The following C5 variants were observed in gnomAD, a reference collection of about 807,000 sequenced individuals.
The protein encoded by C5 is C3 and PZP-like alpha-2-macroglobulin domain-containing protein 4.
C5 carries 140 observed loss-of-function variants against 218.8 expected under a neutral mutation model. That is an observed-to-expected ratio of 0.64 (90% CI 0.56 to 0.74). C5 has a LOEUF of 0.74. Among genes scored for constraint, C5 ranks in the 30% least tolerant of loss-of-function variants. The probability of loss-of-function intolerance (pLI) is 0.00; values close to 1 mark genes in which losing one functional copy is unlikely to be tolerated. For missense variants in C5, 1,700 were observed against 1,969.6 expected, an observed-to-expected ratio of 0.86 and a Z score of 2.59; for synonymous variants, 614 against 682.3, an observed-to-expected ratio of 0.90 and a Z score of 1.56.
intron 40 of C5, 44 bp from the exon 41 acceptor site, chr9:120,952,912 A>T (rs1021997536): frequency 6.2e-7 from 1 of 1,607,426 alleles, no homozygotes; most frequent in Non-Finnish European, 8.5e-7. Flanking sequence ...CAAAACAGAA[A>T]AGCTGAATTT....
upstream of C5, among the ~76,000 whole-genome samples, chr9:121,054,682 G>C (rs560956359): frequency 1.3e-5 from 2 of 152,280 alleles, no homozygotes; most frequent in African/African-American, 4.8e-5. Flanking sequence ...TCACATGACA[G>C]ATAGCAGACC....
intron 22 of C5, among the ~76,000 whole-genome samples, chr9:120,994,812 T>C (rs2047104111): frequency 6.6e-6 from 1 of 151,050 alleles, no homozygotes; most frequent in Non-Finnish European, 1.5e-5. Context: ...TATTCCCAGA[T>C]AAAAGATTGT....
At chr9:121,023,275 A>G in intron 10 of C5, 129 bp downstream of exon 10, 3 of 747,686 alleles carry the variant, frequency 4.0e-6, no homozygotes, top group South Asian at 2.8e-5. Flanking sequence ...CAGGAGGGGC[A>G]GGTTTCACAG....
Position 121,016,397 on chromosome 9 carries a change from CA to C in C5, c.1867-15del. On this transcript the variant is annotated splice_polypyrimidine_tract_variant and intron_variant, in intron 14 of 40. Transcript: ENST00000223642. ...GAATTGAAATACCTGTCCAGAAAGG[CA>C]AAATGTTGAGCACATTGAGATGTAT... is the stretch of plus-strand genomic sequence containing the variant. 1 of 1,613,824 alleles carries C rather than the reference CA, an allele frequency of 6.2e-7. No homozygotes were observed. The highest frequency in any genetic ancestry group is 8.5e-7 in the Non-Finnish European group (1 of 1,179,782).
rs766572363 is a variant in C5 at position 120,996,235 on chromosome 9, CCT to C, written c.2851+3_2851+4del. On this transcript the variant is annotated splice_donor_region_variant and intron_variant, in intron 22 of 40. Coordinates refer to ENST00000223642, the MANE Select transcript of C5 (RefSeq NM_001735.3). ...ACATATAAAATAAAAAATCATTTTG[CCT>C]ACCATAAATACCCCTAGGATCCAAA... 6.3e-7 allele frequency: 1 copy of C among 1,592,672 alleles called. No homozygotes were observed. The highest frequency in any genetic ancestry group is 8.6e-7 in the Non-Finnish European group (1 of 1,160,540).
intron 15 of C5, 92 bp downstream of exon 15, chr9:121,016,162 G>T (rs1332168365): frequency 2.0e-6 from 3 of 1,479,346 alleles, no homozygotes; most frequent in South Asian, 1.1e-5. Context: ...CTAAGATCAG[G>T]GTACAGAATA....
At chr9:121,033,623 G>C (rs2047497287) in intron 5 of C5, among the ~76,000 whole-genome samples, 2 of 152,144 alleles carry the variant, frequency 1.3e-5, no homozygotes, top group South Asian at 4.1e-4. Context: ...TAAAATAATA[G>C]GTTTAATTCT....
intron 20 of C5, chr9:120,999,636 C>T: frequency 4.3e-6 from 1 of 231,576 alleles, no homozygotes; most frequent in South Asian, 4.5e-5. Flanking sequence ...CACACACACA[C>T]ACGAAAAATC....
In C5 at chr9:121,021,534, G is replaced by T; in HGVS notation, c.1277C>A (p.Ser426Tyr). ...ATTAAACTCCAGCACCGTCACTCCA[G>T]ATGGGAGATTAAGCACAAAGGAAGC... is the stretch of plus-strand genomic sequence containing the variant. Reference protein sequence around the residue: ...GVASFVLNLPSGVTVLEFNVK... With the variant: ...GVASFVLNLPYGVTVLEFNVK... The change falls in exon 11 of 41, where the codon TCT becomes TAT. Residue 426 changes from serine (S) to tyrosine (Y), a missense_variant. Transcript: ENST00000223642. 6.2e-7 allele frequency: 1 copy of T among 1,613,720 alleles called. No homozygotes were observed. Among genetic ancestry groups the T allele is most frequent in the Non-Finnish European group, 8.5e-7 (1 of 1,179,708 alleles).
At position 120,989,112 on chromosome 9, in the gene C5, C is replaced by A. The variant is rs756823047; in HGVS notation, c.3164G>T (p.Ser1055Ile). 2 of 1,613,116 alleles carry A rather than the reference C, an allele frequency of 1.2e-6. No homozygotes were observed. Among genetic ancestry groups the A allele is most frequent in the Non-Finnish European group, 1.7e-6 (2 of 1,179,062 alleles). Residue 1055 changes from serine (S) to isoleucine (I), a missense_variant, in exon 25 of 41, where the codon AGC (serine) becomes ATC (isoleucine). Coordinates refer to ENST00000223642, the MANE Select transcript of C5 (RefSeq NM_001735.3). ...GTCAGCATTTCTGTAGGACATAATG[C>A]TCAACATCCCTAAGAAGCACAAGAA... is the stretch of plus-strand genomic sequence containing the variant. ...LKKKLKEGML[S>I]IMSYRNADYS...
At chr9:121,035,153 T>G (rs1050771926) in intron 4 of C5, among the ~76,000 whole-genome samples, 3 of 152,180 alleles carry the variant, frequency 2.0e-5, no homozygotes, top group Non-Finnish European at 4.4e-5. Context: ...CAACTCTCGT[T>G]GTACATCTAA....
chr9:121,069,344 C>T, the C5 span, among the ~76,000 whole-genome samples: 1 of 152,076 alleles, frequency 6.6e-6, no homozygotes. Flanking sequence ...ATAGACACTT[C>T]TCAAAAAGAA....
chr9:121,034,987 G>T (rs1481908914), intron 4 of C5, 93 bp from the exon 5 acceptor site: 4 of 651,990 alleles, frequency 6.1e-6, no homozygotes, highest in Non-Finnish European at 8.1e-6. Context: ...AATATTTATA[G>T]ATCAAATATT....
Position 120,991,207 on chromosome 9 carries a change from C to T in C5, c.2925G>A (p.Arg975=). ...LDLVPKTEIK[R]ILSVKGLLVG... is the part of the protein sequence containing the mutation. ...TTAATTTACCTTTTACACTCAAAAT[C>T]CTTTTGATTTCTGTTTTGGGGACCA... is the stretch of plus-strand genomic sequence containing the variant. The change falls in exon 23 of 41, where the codon AGG becomes AGA. Residue 975 remains arginine (R), a synonymous_variant. Coordinates refer to ENST00000223642, the MANE Select transcript of C5 (RefSeq NM_001735.3). 1 of 1,599,870 alleles carries T rather than the reference C, an allele frequency of 6.3e-7. No individual in the cohort carries two copies. Among genetic ancestry groups the T allele is most frequent in the South Asian group, 1.1e-5 (1 of 90,800 alleles).
intron 25 of C5, among the ~76,000 whole-genome samples, chr9:120,988,347 A>T (rs1446421626): frequency 6.6e-6 from 1 of 152,124 alleles, no homozygotes; most frequent in Admixed American, 6.5e-5. Context: ...AAACGATATG[A>T]GGTGTTGGGA....
chr9:120,966,985 C>T (rs757531816), intron 33 of C5, among the ~76,000 whole-genome samples: 11 of 151,824 alleles, frequency 7.2e-5, no homozygotes, highest in Non-Finnish European at 1.6e-4. Context: ...TTAGGCTGAG[C>T]GTGGTGGCTC....
intron 12 of C5, 27 bp from the exon 13 acceptor site, chr9:121,017,879 T>C (rs904916938): frequency 1.4e-6 from 2 of 1,417,862 alleles, no homozygotes; most frequent in African/African-American, 1.4e-5. Flanking sequence ...GCAGCAACAA[T>C]AAGTAAAAAA....
At chr9:120,955,213 T>C (rs2046776027) in intron 39 of C5, among the ~76,000 whole-genome samples, 1 of 152,332 alleles carries the variant, frequency 6.6e-6, no homozygotes, top group Admixed American at 6.5e-5. Flanking sequence ...TTTATAAAAA[T>C]TCAAAATTTA....
At chr9:120,961,613 A>C in intron 36 of C5, 48 bp from the exon 37 acceptor site, 2 of 1,185,880 alleles carry the variant, frequency 1.7e-6, no homozygotes, top group South Asian at 2.4e-5. Context: ...ATTGAAGAAC[A>C]ACACATTTAC....
Sources: gnomAD v4.1 joint callset for allele counts (sites outside exome capture counted in the v4.1 genomes callset) on GRCh38, gnomAD v4.1.1 for gene constraint, MANE v1.5 for transcripts, NCBI Gene and HGNC (gene_info 2026-07-23, HGNC 2026-07-21) for gene names.